Variants in FCGR2A observed in about 807,000 individuals in gnomAD.
The protein encoded by FCGR2A is Fc gamma receptor IIa.
A neutral mutation model predicts 29.3 loss-of-function variants in FCGR2A; 18 were observed. The observed-to-expected ratio is 0.62, with a 90% confidence interval of 0.43 to 0.91. The LOEUF is 0.91. Ranked by LOEUF, FCGR2A falls within the 40% of genes least tolerant of loss-of-function variation. The pLI, the probability that FCGR2A is intolerant of heterozygous loss-of-function variation, is 0.00. For missense variants in FCGR2A, 287 were observed against 393.0 expected (o/e 0.73, Z 2.28); for synonymous variants, 126 against 144.8 (o/e 0.87, Z 0.93).
intron 3 of FCGR2A, 164 bp downstream of exon 3, chr1:161,506,755 A>G: frequency 1.5e-6 from 2 of 1,320,054 alleles, no homozygotes; most frequent in Non-Finnish European, 2.1e-6. Context: ...TTTGCTTAGC[A>G]TGCGTGGTGG....
intron 2 of FCGR2A, 163 bp downstream of exon 2, chr1:161,506,170 T>C: frequency 1.6e-6 from 2 of 1,255,360 alleles, no homozygotes; most frequent in Non-Finnish European, 2.3e-6. Context: ...ATTTGCTTCT[T>C]AGATCCACTG....
chr1:161,506,475 C>T lies in FCGR2A; in HGVS notation c.248C>T (p.Pro83Leu), dbSNP rs1675406888. 1 of 1,614,182 alleles carries T rather than the reference C, an allele frequency of 6.2e-7. No individual in the cohort carries two copies. The highest frequency in any genetic ancestry group is 1.6e-4 in the Middle Eastern group (1 of 6,062). ...TGGTTCCACAATGGGAATCTCATTC[C>T]CACCCACACGCAGCCCAGCTACAGG... Reference protein sequence around the residue: ...IQWFHNGNLIPTHTQPSYRFK... With the variant: ...IQWFHNGNLILTHTQPSYRFK... The change falls in exon 3 of 7, where the codon CCC becomes CTC. Residue 83 changes from proline (P) to leucine (L), a missense_variant. By Grantham distance (98) the Pro-to-Leu change is moderately conservative. This residue lies in a region of FCGR2A where 181 missense variants were observed against 250.9 expected (regional missense o/e 0.72). Coordinates refer to ENST00000271450, the MANE Select transcript of FCGR2A (RefSeq NM_001136219.3).
chr1:161,523,719 GTGAC>G (rs2102498947), downstream of FCGR2A: 1 of 152,294 alleles, frequency 6.6e-6, no homozygotes, highest in South Asian at 2.1e-4. Context: ...TTTGTGGAAA[GTGAC>G]TGGTAAAGGA....
chr1:161,519,970 C>T (rs1425701321), downstream of FCGR2A: 2 of 151,740 alleles, frequency 1.3e-5, no homozygotes, highest in Non-Finnish European at 2.9e-5. Context: ...GAAACATGAC[C>T]CACAGTCTCC....
At chr1:161,514,912 G>T (rs556226558) in intron 6 of FCGR2A, 1 of 152,138 alleles carries the variant, frequency 6.6e-6, no homozygotes, top group East Asian at 1.9e-4. Context: ...TTATGGCTTT[G>T]TCAGAATGTA....
At chr1:161,515,971 A>G (rs1389403426) in intron 6 of FCGR2A, among the ~76,000 whole-genome samples, 1 of 152,162 alleles carries the variant, frequency 6.6e-6, no homozygotes, top group Non-Finnish European at 1.5e-5. Flanking sequence ...TATATAAATT[A>G]CATATTTTCT....
rs7529425 is a variant in FCGR2A at position 161,509,809 on chromosome 1, G to A, written c.365-11G>A. 0.11 allele frequency: 183,493 copies of A among 1,613,708 alleles called. 11,631 individuals carry two copies. Among genetic ancestry groups the A allele is most frequent in the Middle Eastern group, 0.19 (1,154 of 6,058 alleles). ...CTTACAACTTTTTCTTATCATATTT[G>A]TGTCTTTCAGAATGGCTGGTGCTCC... On this transcript the variant is annotated splice_polypyrimidine_tract_variant and intron_variant, in intron 3 of 6. Transcript: ENST00000271450.
intron 5 of FCGR2A, among the ~76,000 whole-genome samples, chr1:161,511,716 A>G (rs1675796275): frequency 6.6e-6 from 1 of 152,096 alleles, no homozygotes; most frequent in African/African-American, 2.4e-5. Flanking sequence ...GGTCCTGAGG[A>G]CTCAGGCCCC....
rs1337315417 is a variant in FCGR2A, at chr1:161,519,491, G to T, written c.*1343G>T. On this transcript the variant is annotated 3_prime_UTR_variant, in exon 7 of 7. Coordinates refer to ENST00000271450, the MANE Select transcript of FCGR2A (RefSeq NM_001136219.3). ...AAATTAAAAGTGATTGTTTCAAGGT[G>T]ATGCAATTATTGATGACCTATTTTA... 3 of 152,238 alleles carry T rather than the reference G, an allele frequency of 2.0e-5. No homozygotes were observed. Among genetic ancestry groups the T allele is most frequent in the African/African-American group, 7.3e-5 (3 of 41,378 alleles). 9.4% of individuals were successfully genotyped at this position (152,238 alleles called of 1,614,324 possible).
chr1:161,507,267 C>A (rs928264573), intron 3 of FCGR2A, among the ~76,000 whole-genome samples: 4 of 152,188 alleles, frequency 2.6e-5, no homozygotes, highest in African/African-American at 9.6e-5. Context: ...TCCAGGCACA[C>A]ACCACCATGC....
In FCGR2A at chr1:161,519,288, G is replaced by GC; in HGVS notation, c.*1142dup. The GC allele has an allele frequency of 6.5e-6, 1 of 152,846 alleles. No individual in the cohort carries two copies. The highest frequency in any genetic ancestry group is 1.9e-4 in the East Asian group (1 of 5,328). The allele number at this position is 152,846 out of a possible 1,614,324, so 9.5% of individuals were successfully genotyped here. A position where few individuals can be genotyped will look rare whatever the true frequency, so the allele number is the denominator to read the frequency against. Reference sequence around the variant, plus strand: ...GACTGACTGCACCTTCTGTGCCTCAGCCGTTCTTGACATCAAGAATCTTCT... The same window carrying GC: ...GACTGACTGCACCTTCTGTGCCTCAGCCCGTTCTTGACATCAAGAATCTTCT... On this transcript the variant is annotated 3_prime_UTR_variant, in exon 7 of 7. Coordinates refer to ENST00000271450, the MANE Select transcript of FCGR2A (RefSeq NM_001136219.3).
chr1:161,521,602 G>A (rs1305347804), downstream of FCGR2A, among the ~76,000 whole-genome samples: 1 of 152,058 alleles, frequency 6.6e-6, no homozygotes, highest in Non-Finnish European at 1.5e-5. Flanking sequence ...CACAACACAT[G>A]GGAGGGACCC....
At chr1:161,511,405 G>A (rs963421213) in intron 5 of FCGR2A, among the ~76,000 whole-genome samples, 4 of 152,192 alleles carry the variant, frequency 2.6e-5, no homozygotes, top group African/African-American at 9.7e-5. Context: ...TTTGCAATTG[G>A]TTCATAGCCA....
chr1:161,508,780 A>G (rs1675585241), intron 3 of FCGR2A, among the ~76,000 whole-genome samples: 2 of 152,166 alleles, frequency 1.3e-5, no homozygotes, highest in Admixed American at 6.5e-5. Flanking sequence ...CCATCAGTGA[A>G]GGGAAGGAAT....
In FCGR2A at chr1:161,505,976, C is replaced by T; in HGVS notation, c.86-11C>T. 1 of 1,614,106 alleles carries T rather than the reference C, an allele frequency of 6.2e-7. No individual in the cohort carries two copies. Among genetic ancestry groups the T allele is most frequent in the Non-Finnish European group, 8.5e-7 (1 of 1,179,910 alleles). ...CTGCTCGACGTTGATCCACTCTCTT[C>T]TCTTTTACAGCTTCTGCAGACAGTC... On this transcript the variant is annotated splice_polypyrimidine_tract_variant and intron_variant, in intron 1 of 6. Coordinates refer to ENST00000271450, the MANE Select transcript of FCGR2A (RefSeq NM_001136219.3).
At chr1:161,513,348 CCTCCCTCCCTTT>C (rs1675940179) in intron 5 of FCGR2A, 1 of 140,914 alleles carries the variant, frequency 7.1e-6, no homozygotes, top group Non-Finnish European at 1.5e-5. Context: ...TTCCCCCTTC[CCTCCCTCCCTTT>C]CTCCCTCCCT....
chr1:161,512,977 T>G (rs182046929), intron 5 of FCGR2A, among the ~76,000 whole-genome samples: 14 of 152,346 alleles, frequency 9.2e-5, no homozygotes, highest in African/African-American at 2.9e-4. Context: ...GGGGGCTGCA[T>G]AAATGGTTTT....
chr1:161,523,931 A>G (rs142787043), downstream of FCGR2A: 10 of 152,414 alleles, frequency 6.6e-5, no homozygotes, highest in East Asian at 1.9e-4. Flanking sequence ...TGTCAGCTAA[A>G]GACCTGCAGT....
At position 161,510,349 on chromosome 1, in the gene FCGR2A, A is replaced by G. The variant is rs563530729; in HGVS notation, c.619+275A>G. 6.9e-4 allele frequency: 462 copies of G among 664,900 alleles called. No individual in the cohort carries two copies. The African/African-American group carries it at 7.3e-3, about 10-fold the overall frequency. 41.2% of individuals were successfully genotyped at this position (664,900 alleles called of 1,614,324 possible). ...GATGGCAGTGAAGCAGAGCTCCCTC[A>G]TTGATGCAGAGGTTCCCTAAGCTCC... On this transcript the variant is annotated intron_variant, in intron 4 of 6. Transcript: ENST00000271450.
Sources: allele counts gnomAD v4.1 joint callset (sites outside exome capture counted in the v4.1 genomes callset), GRCh38; gene constraint gnomAD v4.1.1; regional missense constraint gnomAD v4.1.1; transcripts MANE v1.5; gene names NCBI Gene and HGNC (gene_info 2026-07-23, HGNC 2026-07-21).